ARHGAP6: variants seen among roughly 807,000 people sequenced by gnomAD.
ARHGAP6 encodes rho GTPase-activating protein 6.
ARHGAP6 carries 16 observed loss-of-function variants against 55.7 expected under a neutral mutation model. The ratio of observed to expected loss-of-function variants is 0.29; its 90% CI spans 0.19 to 0.44. The LOEUF (loss-of-function observed/expected upper bound fraction) is 0.44, where lower values mean the gene tolerates loss of function less well. ARHGAP6 is among the 20% of genes least tolerant of loss of function. The pLI is 1.00. For synonymous variants in ARHGAP6, 382 were observed against 360.9 expected (o/e 1.06, Z -0.66); for missense variants, 698 against 808.9 (o/e 0.86, Z 1.66).
intron 1 of ARHGAP6, among the ~76,000 whole-genome samples, chrX:11,336,886 G>A (rs1464702019): frequency 9.0e-6 from 1 of 111,472 alleles, no homozygotes; most frequent in Non-Finnish European, 1.9e-5. Flanking sequence ...CATGATTCAG[G>A]AACATTTCCT....
intron 1 of ARHGAP6, among the ~76,000 whole-genome samples, chrX:11,288,586 T>C (rs2047949978): frequency 8.9e-6 from 1 of 111,972 alleles, no homozygotes; most frequent in African/African-American, 3.3e-5. Flanking sequence ...TGTGCAACCA[T>C]CACCACTGTC....
intron 2 of ARHGAP6, chrX:11,223,013 A>G (rs1197227131): frequency 9.5e-5 from 11 of 115,261 alleles, no homozygotes; most frequent in African/African-American, 3.5e-4. Context: ...ATTAAATCTT[A>G]CTTTTTTGAA....
intron 1 of ARHGAP6, chrX:11,266,020 T>C (rs1329522394): frequency 1.3e-6 from 1 of 773,210 alleles, no homozygotes; most frequent in Non-Finnish European, 1.6e-6. Flanking sequence ...CGTGTGTTTG[T>C]ATGCGTGTGT....
chrX:11,554,481 C>A (rs1397855833), intron 1 of ARHGAP6, among the ~76,000 whole-genome samples: 1 of 111,814 alleles, frequency 8.9e-6, no homozygotes, highest in African/African-American at 3.3e-5. Context: ...CATAAATGCT[C>A]GAGGTGATGG....
intron 1 of ARHGAP6, among the ~76,000 whole-genome samples, chrX:11,662,348 C>G (rs1337289802): frequency 8.9e-6 from 1 of 111,935 alleles, no homozygotes; most frequent in Non-Finnish European, 1.9e-5. Flanking sequence ...AGGGTTGGAG[C>G]TACATGCTAG....
At chrX:11,379,469 C>G (rs57930200) in intron 1 of ARHGAP6, among the ~76,000 whole-genome samples, 9 of 111,812 alleles carry the variant, frequency 8.0e-5, no homozygotes, top group Non-Finnish European at 1.3e-4. Flanking sequence ...ATTCCAGAAA[C>G]TACTGGAACC....
intron 1 of ARHGAP6, among the ~76,000 whole-genome samples, chrX:11,524,084 A>C (rs1437104568): frequency 1.8e-5 from 2 of 112,055 alleles, no homozygotes; most frequent in Non-Finnish European, 3.8e-5. Context: ...AAGTACTCAA[A>C]ACCTGAAGCT....
chrX:11,590,910 G>GAAAGAAAGAAAGAAAGAAAGA (rs1556119234), intron 1 of ARHGAP6, among the ~76,000 whole-genome samples: 10 of 83,854 alleles, frequency 1.2e-4, no homozygotes, highest in East Asian at 9.7e-4. Flanking sequence ...AAGAAAGAAA[G>GAAAGAAAGAAAGAAAGAAAGA]AAAGAAAAGA....
chrX:11,577,589 T>G (rs1300805859), intron 1 of ARHGAP6, among the ~76,000 whole-genome samples: 2 of 111,751 alleles, frequency 1.8e-5, no homozygotes, highest in Non-Finnish European at 3.8e-5. Context: ...CCATCAGGTG[T>G]GTGTCTAGGA....
At chrX:11,187,781 C>A (rs1309052823) in intron 4 of ARHGAP6, among the ~76,000 whole-genome samples, 1 of 112,058 alleles carries the variant, frequency 8.9e-6, no homozygotes, top group Non-Finnish European at 1.9e-5. Flanking sequence ...CGTGGCGGCT[C>A]ACGCCTGTGA....
Position 11,618,708 on chromosome X carries a change from C to T in ARHGAP6, c.588+45533G>A, listed in dbSNP as rs183274956. Among the ~76,000 whole-genome samples the T allele has an allele frequency of 1.2e-4, 13 of 112,365 alleles. No individual in the cohort carries two copies. The East Asian group carries it at 3.6e-3, about 31-fold the overall frequency. ...TCCTATATAATGAACTTGCTTCATA[C>T]ACAATACCATTTTCCTGTAGATAAA... On this transcript the variant is annotated intron_variant, in intron 1 of 12. Coordinates refer to ENST00000337414, the MANE Select transcript of ARHGAP6 (RefSeq NM_013427.3).
At chrX:11,358,485 C>CTTTCTTTCT (rs755054708) in intron 1 of ARHGAP6, among the ~76,000 whole-genome samples, 21 of 39,480 alleles carry the variant, frequency 5.3e-4, no homozygotes, top group South Asian at 2.2e-3. Flanking sequence ...TTCTTTCTTT[C>CTTTCTTTCT]TTTTTTTTTT....
chrX:11,331,477 T>C (rs189682470), intron 1 of ARHGAP6, among the ~76,000 whole-genome samples: 1 of 112,277 alleles, frequency 8.9e-6, no homozygotes, highest in East Asian at 2.8e-4. Flanking sequence ...CCTTTTCTTC[T>C]GTTAATCAAT....
rs184779729 is a variant in ARHGAP6, at chrX:11,547,377, C to A, written c.588+116864G>T. Among the ~76,000 whole-genome samples, 224 of 111,875 alleles carry A rather than the reference C, an allele frequency of 2.0e-3. 2 individuals carry two copies. The highest frequency in any genetic ancestry group is 0.012 in the Admixed American group (129 of 10,550). On this transcript the variant is annotated intron_variant, in intron 1 of 12. Transcript: ENST00000337414. ...GTTGATTTCACAGATCTGGTTGGGG[C>A]CTGAGATTCTGCATTTCTAATTATC...
intron 1 of ARHGAP6, among the ~76,000 whole-genome samples, chrX:11,344,233 T>C: frequency 9.0e-6 from 1 of 111,495 alleles, no homozygotes; most frequent in Non-Finnish European, 1.9e-5. Context: ...ACCCACTAGA[T>C]GCCAGGGGAT....
intron 9 of ARHGAP6, among the ~76,000 whole-genome samples, chrX:11,161,764 G>A (rs73632651): frequency 0.017 from 1,870 of 111,832 alleles, 42 homozygotes; most frequent in African/African-American, 0.057. Context: ...TCATCCATTC[G>A]CTTTCAGAGA....
At chrX:11,536,333 G>A (rs1401999610) in intron 1 of ARHGAP6, among the ~76,000 whole-genome samples, 1 of 112,156 alleles carries the variant, frequency 8.9e-6, no homozygotes. Context: ...AGATTTGGAG[G>A]ATAAATACCT....
rs1225239325 is a variant in ARHGAP6, at chrX:11,629,819, T to C, written c.588+34422A>G. Among the ~76,000 whole-genome samples, 2 of 111,478 alleles carry C rather than the reference T, an allele frequency of 1.8e-5. 1 individual carries two copies. Among genetic ancestry groups the C allele is most frequent in the Non-Finnish European group, 3.8e-5 (2 of 53,127 alleles). ...TCAACCACAAACACACAGCTAATAA[T>C]AGCTTCTGCTCTTAACTTACAAAAT... On this transcript the variant is annotated intron_variant, in intron 1 of 12. Transcript: ENST00000337414.
intron 10 of ARHGAP6, among the ~76,000 whole-genome samples, chrX:11,149,475 G>T (rs758824214): frequency 9.1e-6 from 1 of 109,918 alleles, no homozygotes; most frequent in Non-Finnish European, 1.9e-5. Flanking sequence ...GGGGAGGGGG[G>T]CAGGGGCAGT....
Sources: gnomAD v4.1 joint callset for allele counts (sites outside exome capture counted in the v4.1 genomes callset) on GRCh38, gnomAD v4.1.1 for gene constraint, MANE v1.5 for transcripts, NCBI Gene and HGNC (gene_info 2026-07-23, HGNC 2026-07-21) for gene names.